Variants in ROBO2 observed in about 807,000 individuals in gnomAD.
The protein encoded by ROBO2 is roundabout guidance receptor 2.
A neutral mutation model predicts 160.8 loss-of-function variants in ROBO2; 53 were observed. The ratio of observed to expected loss-of-function variants is 0.33; its 90% CI spans 0.26 to 0.41. ROBO2 has a LOEUF of 0.41. ROBO2 is among the 10% of genes least tolerant of loss of function. The pLI is 1.00. For synonymous variants in ROBO2, 664 were observed against 611.7 expected, an observed-to-expected ratio of 1.09 and a Z score of -1.26; for missense variants, 1,577 against 1,722.4, an observed-to-expected ratio of 0.92 and a Z score of 1.49.
chr3:77,057,132 T>TA (rs1460995241), intron 1 of ROBO2, among the ~76,000 whole-genome samples: 26 of 152,080 alleles, frequency 1.7e-4, no homozygotes, highest in African/African-American at 4.8e-4. Context: ...TATGCAGCCA[T>TA]AAAAAAGGAT....
At chr3:77,521,426 A>G (rs2090586046) in intron 5 of ROBO2, among the ~76,000 whole-genome samples, 1 of 151,336 alleles carries the variant, frequency 6.6e-6, no homozygotes. Flanking sequence ...TAAGTGCAGA[A>G]TTATTGCTGT....
At chr3:76,641,294 A>G (rs1351269033) in intron 2 of ROBO2, among the ~76,000 whole-genome samples, 2 of 152,174 alleles carry the variant, frequency 1.3e-5, no homozygotes, top group Non-Finnish European at 2.9e-5. Flanking sequence ...AAGATCTCCA[A>G]TTAACCTTGA....
At chr3:77,037,609 G>A (rs1467822488), upstream of ROBO2, among the ~76,000 whole-genome samples, 1 of 152,148 alleles carries the variant, frequency 6.6e-6, no homozygotes. Flanking sequence ...AAAGGACCAT[G>A]GCAATTGGTG....
At chr3:76,049,125 T>G (rs2067557676) in intron 2 of ROBO2, among the ~76,000 whole-genome samples, 1 of 152,104 alleles carries the variant, frequency 6.6e-6, no homozygotes, top group Non-Finnish European at 1.5e-5. Flanking sequence ...TTTTGGCAAC[T>G]TCTTATTTTG....
chr3:77,024,080 G>A (rs2062802702), intron 2 of ROBO2, among the ~76,000 whole-genome samples: 1 of 152,142 alleles, frequency 6.6e-6, no homozygotes, highest in Non-Finnish European at 1.5e-5. Context: ...CACATGTGAA[G>A]AAAGTCCTGC....
chr3:76,503,115 C>A (rs948335843), intron 2 of ROBO2, among the ~76,000 whole-genome samples: 42 of 152,132 alleles, frequency 2.8e-4, no homozygotes, highest in Admixed American at 6.5e-4. Context: ...GGCTGAGGAG[C>A]AAGGAGACCC....
intron 2 of ROBO2, among the ~76,000 whole-genome samples, chr3:76,616,821 G>A (rs1329964933): frequency 6.6e-6 from 1 of 152,110 alleles, no homozygotes; most frequent in Non-Finnish European, 1.5e-5. Flanking sequence ...CTATTCATAG[G>A]TGCAATCATA....
intron 2 of ROBO2, among the ~76,000 whole-genome samples, chr3:76,600,739 C>T (rs1303973720): frequency 6.6e-6 from 1 of 152,108 alleles, no homozygotes; most frequent in African/African-American, 2.4e-5. Context: ...GGGACACAGA[C>T]AAACCATATC....
chr3:76,923,095 G>C (rs2076768880), intron 2 of ROBO2, among the ~76,000 whole-genome samples: 1 of 152,102 alleles, frequency 6.6e-6, no homozygotes, highest in African/African-American at 2.4e-5. Context: ...GGGCATCAAG[G>C]GCAGAGTATA....
intron 2 of ROBO2, among the ~76,000 whole-genome samples, chr3:76,271,753 C>A (rs1187195831): frequency 6.6e-6 from 1 of 151,770 alleles, no homozygotes; most frequent in Non-Finnish European, 1.5e-5. Context: ...TTTCATCCTT[C>A]TCTCCTCTCC....
At chr3:76,265,971 G>A (rs887436107) in intron 2 of ROBO2, among the ~76,000 whole-genome samples, 3 of 152,148 alleles carry the variant, frequency 2.0e-5, no homozygotes, top group East Asian at 1.9e-4. Flanking sequence ...AACTCTTCAA[G>A]AATATAATTT....
intron 2 of ROBO2, among the ~76,000 whole-genome samples, chr3:76,707,240 G>A (rs969567797): frequency 5.9e-5 from 9 of 152,008 alleles, no homozygotes; most frequent in South Asian, 2.1e-4. Flanking sequence ...AAGAAACACC[G>A]CACTAATCTA....
At chr3:76,301,342 G>C (rs994718301) in intron 2 of ROBO2, among the ~76,000 whole-genome samples, 2 of 152,006 alleles carry the variant, frequency 1.3e-5, no homozygotes, top group South Asian at 2.1e-4. Flanking sequence ...TAGAATAAAT[G>C]GTTGAAAATT....
chr3:77,392,798 A>G (rs79612203), intron 2 of ROBO2, among the ~76,000 whole-genome samples: 6,406 of 152,218 alleles, frequency 0.042, 468 homozygotes, highest in African/African-American at 0.15. Context: ...TCCTAACAGA[A>G]GCTATTTCTT....
chr3:77,446,494 A>G (rs965827221), intron 2 of ROBO2, among the ~76,000 whole-genome samples: 1 of 152,122 alleles, frequency 6.6e-6, no homozygotes, highest in Non-Finnish European at 1.5e-5. Context: ...GTACATCAAA[A>G]TAAGTATATA....
chr3:76,821,181 G>A (rs2066092035), intron 2 of ROBO2, among the ~76,000 whole-genome samples: 1 of 151,922 alleles, frequency 6.6e-6, no homozygotes, highest in Admixed American at 6.6e-5. Flanking sequence ...GCTTCTATGT[G>A]CTGGTATTAT....
At chr3:76,741,855 TC>T (rs1271676995) in intron 2 of ROBO2, among the ~76,000 whole-genome samples, 1 of 152,056 alleles carries the variant, frequency 6.6e-6, no homozygotes, top group East Asian at 1.9e-4. Context: ...TTTCTGAATG[TC>T]CAAGTTTTAT....
intron 2 of ROBO2, among the ~76,000 whole-genome samples, chr3:77,441,788 G>A (rs925083462): frequency 9.2e-5 from 14 of 152,098 alleles, no homozygotes; most frequent in African/African-American, 3.1e-4. Flanking sequence ...TGGTGAATTA[G>A]CTTAAAATAT....
At chr3:77,596,834 A>C (rs1242682801) in intron 19 of ROBO2, 84 bp downstream of exon 20, 22 of 1,480,520 alleles carry the variant, frequency 1.5e-5, no homozygotes, top group Non-Finnish European at 2.1e-5. Context: ...TTTTAAAGAA[A>C]CATATCAGAG....
Sources: allele counts gnomAD v4.1 joint callset (sites outside exome capture counted in the v4.1 genomes callset), GRCh38; gene constraint gnomAD v4.1.1; transcripts MANE v1.5; gene names NCBI Gene and HGNC (gene_info 2026-07-23, HGNC 2026-07-21).